SYAP1: variants seen among roughly 807,000 people sequenced by gnomAD.
SYAP1 encodes synapse-associated protein 1.
A neutral mutation model predicts 29.6 loss-of-function variants in SYAP1; 3 were observed. That is an observed-to-expected ratio of 0.10 (90% CI 0.05 to 0.26). The LOEUF is 0.26. SYAP1 is among the 10% of genes least tolerant of loss of function. The probability of loss-of-function intolerance (pLI) is 1.00; values close to 1 mark genes in which losing one functional copy is unlikely to be tolerated. For synonymous variants in SYAP1, 102 were observed against 102.7 expected (o/e 0.99, Z 0.04); for missense variants, 217 against 264.1 (o/e 0.82, Z 1.24).
intron 5 of SYAP1, among the ~76,000 whole-genome samples, chrX:16,754,390 G>A (rs997069743): frequency 1.8e-5 from 2 of 111,473 alleles, no homozygotes; most frequent in Middle Eastern, 4.6e-3. Context: ...TTGCTGCTAC[G>A]GGGAAGATAG....
At chrX:16,740,352 T>G (rs947341660) in intron 3 of SYAP1, among the ~76,000 whole-genome samples, 1 of 109,099 alleles carries the variant, frequency 9.2e-6, no homozygotes, top group Non-Finnish European at 1.9e-5. Context: ...CTTTTTTTTT[T>G]TTTTTTTAGC....
At chrX:16,719,922 A>C in intron 1 of SYAP1, 23 bp downstream of exon 1, 1 of 1,158,499 alleles carries the variant, frequency 8.6e-7, no homozygotes, top group Non-Finnish European at 1.2e-6. Flanking sequence ...TGGCTCTGGG[A>C]CCGGGAAGGG....
At chrX:16,735,172 C>CT (rs1926303571) in intron 1 of SYAP1, 55 bp from the exon 2 acceptor site, 1 of 850,088 alleles carries the variant, frequency 1.2e-6, no homozygotes, top group Non-Finnish European at 1.7e-6. Context: ...CATAAGATCT[C>CT]TTTAAGGGAA....
intron 5 of SYAP1, among the ~76,000 whole-genome samples, chrX:16,748,658 G>A (rs760517986): frequency 1.8e-5 from 2 of 112,323 alleles, no homozygotes; most frequent in Non-Finnish European, 3.8e-5. Flanking sequence ...AGTGTTTCCC[G>A]GAGGGTTTTC....
At chrX:16,738,410 G>C (rs904842378) in intron 3 of SYAP1, among the ~76,000 whole-genome samples, 1 of 110,242 alleles carries the variant, frequency 9.1e-6, no homozygotes, top group Non-Finnish European at 1.9e-5. Flanking sequence ...GCGAGACTCT[G>C]TCTCAATAAA....
rs994663899 is a variant in SYAP1 at position 16,762,292 on chromosome X, C to T, written c.*1933C>T. 1 of 111,524 alleles carries T rather than the reference C, an allele frequency of 9.0e-6. No individual in the cohort carries two copies. Among genetic ancestry groups the T allele is most frequent in the Admixed American group, 9.6e-5 (1 of 10,384 alleles). The allele number at this position is 111,524 out of a possible 1,213,427, so 9.2% of individuals were successfully genotyped here. ...TTCTTATTGATAAATGTTGAATAAA[C>T]ACACACAAAAAAGTATCAGAGAAAG... is the stretch of plus-strand genomic sequence containing the variant. On this transcript the variant is annotated 3_prime_UTR_variant, in exon 9 of 9. Transcript: ENST00000380155.
At chrX:16,729,038 CGA>C (rs1569247612) in intron 1 of SYAP1, among the ~76,000 whole-genome samples, 3 of 73,513 alleles carry the variant, frequency 4.1e-5, no homozygotes, top group Admixed American at 1.6e-4. Flanking sequence ...GCAGCTATCT[CGA>C]AAAAAAAAAA....
At chrX:16,721,381 C>A (rs781210430) in intron 1 of SYAP1, among the ~76,000 whole-genome samples, 1 of 109,475 alleles carries the variant, frequency 9.1e-6, no homozygotes, top group East Asian at 2.9e-4. Flanking sequence ...ACAGGCATGC[C>A]CTACCACGCC....
intron 1 of SYAP1, among the ~76,000 whole-genome samples, chrX:16,733,129 C>T (rs1926246232): frequency 9.0e-6 from 1 of 110,955 alleles, no homozygotes; most frequent in Admixed American, 9.6e-5. Context: ...AGGAGGCCTC[C>T]TTGGAGGTAG....
chrX:16,731,940 CA>C (rs770541131), intron 1 of SYAP1, among the ~76,000 whole-genome samples: 40 of 96,279 alleles, frequency 4.2e-4, no homozygotes, highest in Admixed American at 4.4e-4. Flanking sequence ...AACTCTGTCT[CA>C]AAAAAAAAAA....
Position 16,735,018 on chromosome X carries a change from A to AAC in SYAP1, c.176-208_176-207insCA, listed in dbSNP as rs1569248724. ...TCTCAAAAAAAAAAAAAAAAAAAAAAAAAACAAAAAAAGAGATGAATGAAA... is the reference window on the plus strand; with the variant it reads ...TCTCAAAAAAAAAAAAAAAAAAAAAAACAAAACAAAAAAAGAGATGAATGAAA... On this transcript the variant is annotated intron_variant, in intron 1 of 8. Coordinates refer to ENST00000380155, the MANE Select transcript of SYAP1 (RefSeq NM_032796.4). Among the ~76,000 whole-genome samples, 15 of 93,722 alleles carry AAC rather than the reference A, an allele frequency of 1.6e-4. 1 individual carries two copies. The South Asian group carries it at 2.8e-3, about 18-fold the overall frequency. The allele number at this position is 93,722 out of a possible 115,157, so 81.4% of individuals were successfully genotyped here.
At chrX:16,742,893 A>T (rs1278626879) in intron 4 of SYAP1, among the ~76,000 whole-genome samples, 1 of 104,541 alleles carries the variant, frequency 9.6e-6, no homozygotes, top group African/African-American at 3.5e-5. Context: ...GATTATAGCC[A>T]TGAGCGACTA....
chrX:16,722,529 CAA>C (rs753851782), intron 1 of SYAP1, among the ~76,000 whole-genome samples: 14 of 65,798 alleles, frequency 2.1e-4, no homozygotes, highest in East Asian at 4.6e-4. Flanking sequence ...CTGCATCTCA[CAA>C]AAAAAAAAAA....
At position 16,756,738 on chromosome X, in the gene SYAP1, T is replaced by C. The variant is rs1441226600; in HGVS notation, c.783+17T>C. On this transcript the variant is annotated intron_variant, in intron 7 of 8. Transcript: ENST00000380155. ...ACTCAAGAGGTAATCCAGTTTTACA[T>C]TGTACCTAGTAGTTGATATCTGGAA... The C allele has an allele frequency of 8.5e-7, 1 of 1,179,826 alleles. No individual in the cohort carries two copies. Among genetic ancestry groups the C allele is most frequent in the African/African-American group, 1.7e-5 (1 of 57,271 alleles).
chrX:16,725,374 C>T (rs994249481), intron 1 of SYAP1, among the ~76,000 whole-genome samples: 27 of 111,598 alleles, frequency 2.4e-4, no homozygotes, highest in East Asian at 1.4e-3. Flanking sequence ...TGGCCAGGTG[C>T]GGTGGCTTAC....
intron 8 of SYAP1, among the ~76,000 whole-genome samples, chrX:16,759,299 A>T (rs1926928505): frequency 9.1e-6 from 1 of 109,455 alleles, no homozygotes; most frequent in African/African-American, 3.3e-5. Flanking sequence ...CAGGAGGCAG[A>T]GGTTGCAGTG....
intron 1 of SYAP1, among the ~76,000 whole-genome samples, chrX:16,723,880 G>C (rs1326104733): frequency 9.1e-6 from 1 of 110,404 alleles, no homozygotes; most frequent in Non-Finnish European, 1.9e-5. Flanking sequence ...AGGCAGCGTG[G>C]GATTGGAGCA....
chrX:16,740,189 A>G (rs1420577444), intron 3 of SYAP1, among the ~76,000 whole-genome samples: 6 of 111,176 alleles, frequency 5.4e-5, no homozygotes, highest in Non-Finnish European at 1.1e-4. Flanking sequence ...GTCACCTGGC[A>G]CGGCACTTAC....
intron 1 of SYAP1, among the ~76,000 whole-genome samples, chrX:16,722,528 A>C (rs2147413786): frequency 9.4e-6 from 1 of 106,070 alleles, no homozygotes; most frequent in Non-Finnish European, 1.9e-5. Context: ...ACTGCATCTC[A>C]CAAAAAAAAA....
Sources: allele counts gnomAD v4.1 joint callset (sites outside exome capture counted in the v4.1 genomes callset), GRCh38; gene constraint gnomAD v4.1.1; transcripts MANE v1.5; gene names NCBI Gene and HGNC (gene_info 2026-07-23, HGNC 2026-07-21).